The following TMEM117 variants were observed in gnomAD, a reference collection of about 807,000 sequenced individuals.
The protein encoded by TMEM117 is transmembrane protein 117.
In TMEM117, 27 loss-of-function variants were observed where a neutral mutation model predicts 52.4. The ratio of observed to expected loss-of-function variants is 0.51; its 90% CI spans 0.38 to 0.71. TMEM117 has a LOEUF of 0.71. Among genes scored for constraint, TMEM117 ranks in the 30% least tolerant of loss-of-function variants. The pLI, the probability that TMEM117 is intolerant of heterozygous loss-of-function variation, is 0.00. For synonymous variants in TMEM117, 215 were observed against 206.3 expected (o/e 1.04, Z -0.36); for missense variants, 556 against 630.5 (o/e 0.88, Z 1.26).
intron 3 of TMEM117, among the ~76,000 whole-genome samples, chr12:43,958,958 C>T (rs1434041644): frequency 6.6e-6 from 1 of 152,096 alleles, no homozygotes; most frequent in Non-Finnish European, 1.5e-5. Context: ...AGGCGCCCAC[C>T]ACCACGCCCG....
chr12:43,832,302 TACTG>T (rs1456637998), upstream of TMEM117, among the ~76,000 whole-genome samples: 2 of 152,346 alleles, frequency 1.3e-5, no homozygotes, highest in East Asian at 3.9e-4. Context: ...GAATGGCCTT[TACTG>T]ACTACCTATT....
At position 44,204,825 on chromosome 12, in the gene TMEM117, C is replaced by T. The variant is rs566803077; in HGVS notation, c.511-6465C>T. Among the ~76,000 whole-genome samples the T allele has an allele frequency of 6.6e-5, 10 of 152,140 alleles. No homozygotes were observed. The South Asian group carries it at 8.3e-4, about 13-fold the overall frequency. On this transcript the variant is annotated intron_variant, in intron 4 of 7. Transcript: ENST00000266534. ...GGAGGGGACTCCCTATTCAATAAAT[C>T]GTGCTGGGATAACTGGCTAGCCATA... is the stretch of plus-strand genomic sequence containing the variant.
At chr12:43,847,107 A>G (rs971576294) in intron 2 of TMEM117, among the ~76,000 whole-genome samples, 3 of 152,276 alleles carry the variant, frequency 2.0e-5, no homozygotes, top group Middle Eastern at 3.4e-3. Flanking sequence ...TGGGGCAGAT[A>G]GTTTTATTTG....
intron 3 of TMEM117, among the ~76,000 whole-genome samples, chr12:44,143,322 T>A (rs1030567599): frequency 6.6e-6 from 1 of 152,226 alleles, no homozygotes; most frequent in African/African-American, 2.4e-5. Flanking sequence ...GGAGCCACAT[T>A]CAGTCTTCAA....
intron 5 of TMEM117, among the ~76,000 whole-genome samples, chr12:44,217,989 C>T (rs1251618513): frequency 9.2e-5 from 14 of 152,036 alleles, no homozygotes; most frequent in African/African-American, 2.9e-4. Context: ...TTTGGGAGGA[C>T]GAGGTGGGCA....
intron 5 of TMEM117, among the ~76,000 whole-genome samples, chr12:44,217,077 T>A (rs771404124): frequency 3.9e-5 from 6 of 152,194 alleles, no homozygotes; most frequent in Admixed American, 2.6e-4. Context: ...ATGATTATTA[T>A]CTTAATATAC....
At chr12:44,083,544 A>C (rs1947519070) in intron 3 of TMEM117, 1 of 151,704 alleles carries the variant, frequency 6.6e-6, no homozygotes, top group Non-Finnish European at 1.5e-5. Flanking sequence ...CTGGGAGTAC[A>C]GGCATGCACC....
At chr12:44,107,166 CTA>C (rs1454811940) in intron 3 of TMEM117, among the ~76,000 whole-genome samples, 2 of 152,028 alleles carry the variant, frequency 1.3e-5, no homozygotes, top group African/African-American at 4.8e-5. Flanking sequence ...TATATATAAA[CTA>C]TCATCAATTT....
chr12:44,094,800 T>G (rs112525088), intron 3 of TMEM117, among the ~76,000 whole-genome samples: 2,426 of 152,124 alleles, frequency 0.016, 71 homozygotes, highest in African/African-American at 0.054. Context: ...AGTGTGTGTG[T>G]GGGGGAATAC....
At chr12:44,332,149 T>C (rs189263013) in intron 6 of TMEM117, among the ~76,000 whole-genome samples, 112 of 152,162 alleles carry the variant, frequency 7.4e-4, no homozygotes, top group Admixed American at 1.6e-3. Context: ...TTACCAGCTC[T>C]GGCACACTGG....
At chr12:44,327,888 A>C (rs1013781883) in intron 6 of TMEM117, among the ~76,000 whole-genome samples, 1 of 152,160 alleles carries the variant, frequency 6.6e-6, no homozygotes, top group African/African-American at 2.4e-5. Context: ...ACACTTCCTG[A>C]GCTGGCTAGT....
chr12:43,841,711 A>G (rs1943118538), intron 1 of TMEM117, among the ~76,000 whole-genome samples: 2 of 152,210 alleles, frequency 1.3e-5, no homozygotes, highest in Admixed American at 1.3e-4. Flanking sequence ...CGTCTGCAGG[A>G]AATGGTGATC....
the TMEM117 span, chr12:43,797,862 T>C: frequency 6.2e-7 from 1 of 1,604,274 alleles, no homozygotes; most frequent in East Asian, 2.2e-5. Context: ...ATTTACAAGT[T>C]TAGCAGTTAG....
intron 3 of TMEM117, among the ~76,000 whole-genome samples, chr12:44,011,296 ATTGTT>A (rs1946286480): frequency 6.6e-6 from 1 of 152,124 alleles, no homozygotes; most frequent in East Asian, 1.9e-4. Flanking sequence ...TGTATATACT[ATTGTT>A]ATGGTTTGGC....
chr12:43,939,251 T>C (rs1464150023), intron 2 of TMEM117, among the ~76,000 whole-genome samples: 2 of 152,186 alleles, frequency 1.3e-5, no homozygotes, highest in Admixed American at 1.3e-4. Context: ...TATATATGGG[T>C]GGGCCAAATC....
At chr12:44,108,192 T>G (rs918039119) in intron 3 of TMEM117, among the ~76,000 whole-genome samples, 1 of 151,944 alleles carries the variant, frequency 6.6e-6, no homozygotes, top group African/African-American at 2.4e-5. Flanking sequence ...TTGTACCAAA[T>G]TTATTTATTT....
the TMEM117 span, chr12:43,797,186 C>T: frequency 1.6e-5 from 23 of 1,480,640 alleles, no homozygotes; most frequent in East Asian, 5.0e-4. Flanking sequence ...AAAACAAGTA[C>T]AGAAACTTCA....
At chr12:44,085,309 T>C (rs1947549171) in intron 3 of TMEM117, among the ~76,000 whole-genome samples, 1 of 152,192 alleles carries the variant, frequency 6.6e-6, no homozygotes, top group South Asian at 2.1e-4. Context: ...GCTCAATAAA[T>C]GTTTGATTAA....
chr12:44,059,829 C>G (rs1302520459), intron 3 of TMEM117, among the ~76,000 whole-genome samples: 1 of 152,190 alleles, frequency 6.6e-6, no homozygotes, highest in Non-Finnish European at 1.5e-5. Context: ...GGGCATGTCA[C>G]TGTAAATTGT....
Sources: gnomAD v4.1 joint callset for allele counts (sites outside exome capture counted in the v4.1 genomes callset) on GRCh38, gnomAD v4.1.1 for gene constraint, MANE v1.5 for transcripts, NCBI Gene and HGNC (gene_info 2026-07-23, HGNC 2026-07-21) for gene names.